The following SNTG2 variants were observed in gnomAD, a reference collection of about 807,000 sequenced individuals.
SNTG2 encodes syntrophin gamma 2.
Under a neutral mutation model 70.9 loss-of-function variants are expected in SNTG2, and 74 were observed. The ratio of observed to expected loss-of-function variants is 1.04; its 90% CI spans 0.86 to 1.27. The LOEUF is 1.27. SNTG2 is among the 50% of genes most tolerant of loss of function. The probability of loss-of-function intolerance (pLI) is 0.00; values close to 1 mark genes in which losing one functional copy is unlikely to be tolerated. For synonymous variants in SNTG2, 278 were observed against 273.8 expected (o/e 1.02, Z -0.15); for missense variants, 717 against 690.7 (o/e 1.04, Z -0.43).
intron 4 of SNTG2, among the ~76,000 whole-genome samples, chr2:1,117,490 C>T (rs1052750095): frequency 1.3e-5 from 2 of 152,094 alleles, no homozygotes; most frequent in African/African-American, 4.8e-5. Flanking sequence ...TATAACATGG[C>T]GTGCAGGGCA....
At chr2:1,252,032 G>C (rs1677803135) in intron 12 of SNTG2, among the ~76,000 whole-genome samples, 1 of 152,214 alleles carries the variant, frequency 6.6e-6, no homozygotes, top group African/African-American at 2.4e-5. Context: ...CACCAGGCTT[G>C]AGTTCAGAGA....
Position 1,128,788 on chromosome 2 carries a change from A to T in SNTG2, c.326-8834A>T, listed in dbSNP as rs543606835. Among the ~76,000 whole-genome samples the T allele has an allele frequency of 2.0e-5, 3 of 152,190 alleles. No homozygotes were observed. The South Asian group carries it at 6.2e-4, about 32-fold the overall frequency. Reference sequence around the variant, plus strand: ...ACAGACACTGGAAATCTTCTCGTCCAGGGCTGATAGCCATCAGCCAGGATG... The same window carrying T: ...ACAGACACTGGAAATCTTCTCGTCCTGGGCTGATAGCCATCAGCCAGGATG... On this transcript the variant is annotated intron_variant, in intron 4 of 16. Transcript: ENST00000308624.
chr2:1,234,183 C>T (rs1419343542), intron 9 of SNTG2, among the ~76,000 whole-genome samples: 1 of 152,250 alleles, frequency 6.6e-6, no homozygotes, highest in South Asian at 2.1e-4. Flanking sequence ...CCCAGAAATG[C>T]CCTGGAAGAA....
At chr2:1,161,394 C>T (rs56389760) in intron 6 of SNTG2, 10,787 of 143,398 alleles carry the variant, frequency 0.075, 826 homozygotes, top group African/African-American at 0.2. Flanking sequence ...GAGAGAGAGA[C>T]AGAAAAGGGG....
chr2:999,411 T>G (rs1211133957), intron 1 of SNTG2, among the ~76,000 whole-genome samples: 1 of 151,862 alleles, frequency 6.6e-6, no homozygotes, highest in Non-Finnish European at 1.5e-5. Context: ...CCCACCTGAG[T>G]GGTAAGACAT....
intron 4 of SNTG2, among the ~76,000 whole-genome samples, chr2:1,104,754 AG>A (rs1457238349): frequency 1.3e-5 from 2 of 152,164 alleles, no homozygotes; most frequent in African/African-American, 4.8e-5. Context: ...TTGAGTGAAT[AG>A]GGCTTGCTCT....
intron 1 of SNTG2, among the ~76,000 whole-genome samples, chr2:973,370 C>T (rs1046654262): frequency 3.9e-5 from 6 of 152,038 alleles, no homozygotes; most frequent in Non-Finnish European, 7.4e-5. Flanking sequence ...TTTTTTGTTT[C>T]AACTACTTTC....
At chr2:1,044,761 CT>C (rs1661631482) in intron 1 of SNTG2, among the ~76,000 whole-genome samples, 1 of 152,008 alleles carries the variant, frequency 6.6e-6, no homozygotes, top group Admixed American at 6.6e-5. Context: ...TGGTGTATTA[CT>C]TTTTTAATGT....
At chr2:1,323,478 A>G (rs4553865) in intron 16 of SNTG2, among the ~76,000 whole-genome samples, 12,391 of 103,608 alleles carry the variant, frequency 0.12, 487 homozygotes, top group East Asian at 0.27. Flanking sequence ...CCAGTAGACT[A>G]GGACAAGACT....
At chr2:1,024,719 TA>T (rs994408616) in intron 1 of SNTG2, among the ~76,000 whole-genome samples, 76 of 152,238 alleles carry the variant, frequency 5.0e-4, no homozygotes, top group African/African-American at 1.8e-3. Context: ...TTACCTGCAA[TA>T]ATGAAAAGAT....
At chr2:1,358,845 A>T (rs4927648) in intron 16 of SNTG2, among the ~76,000 whole-genome samples, 68,663 of 151,874 alleles carry the variant, frequency 0.45, 15,631 homozygotes, top group Middle Eastern at 0.49. Context: ...AATGTTCTGT[A>T]TACCTGTTCA....
intron 16 of SNTG2, among the ~76,000 whole-genome samples, chr2:1,360,760 G>A (rs112514837): frequency 1.3e-5 from 2 of 152,212 alleles, no homozygotes; most frequent in South Asian, 2.1e-4. Context: ...ATACACAGAT[G>A]AGCAAACCCT....
intron 1 of SNTG2, among the ~76,000 whole-genome samples, chr2:1,047,174 G>A (rs1234074841): frequency 1.3e-5 from 2 of 152,120 alleles, no homozygotes; most frequent in Admixed American, 6.6e-5. Context: ...TGAAATTCTT[G>A]TAGTGAGTTT....
intron 9 of SNTG2, among the ~76,000 whole-genome samples, chr2:1,231,800 T>C (rs1269014121): frequency 6.6e-6 from 1 of 151,998 alleles, no homozygotes; most frequent in Non-Finnish European, 1.5e-5. Context: ...TCCTGCTGGG[T>C]CTTCTCAAAC....
intron 9 of SNTG2, among the ~76,000 whole-genome samples, chr2:1,224,918 T>C (rs1269023166): frequency 6.6e-6 from 1 of 152,224 alleles, no homozygotes; most frequent in East Asian, 1.9e-4. Context: ...GCAGGTGCAG[T>C]TGTGTTTAAC....
chr2:1,367,563 A>G lies in SNTG2; in HGVS notation c.*89A>G. 1 of 1,453,384 alleles carries G rather than the reference A, an allele frequency of 6.9e-7. No individual in the cohort carries two copies. Among genetic ancestry groups the G allele is most frequent in the South Asian group, 1.3e-5 (1 of 74,658 alleles). 90.0% of individuals were successfully genotyped at this position (1,453,384 alleles called of 1,614,324 possible). Reference sequence around the variant, plus strand: ...GAATATTGCAACTTTGTGTTGTTTTATGATGAGCCTATAGTTGTGATACCA... The same window carrying G: ...GAATATTGCAACTTTGTGTTGTTTTGTGATGAGCCTATAGTTGTGATACCA... On this transcript the variant is annotated 3_prime_UTR_variant, in exon 17 of 17. Transcript: ENST00000308624.
At position 1,348,259 on chromosome 2, in the gene SNTG2, A is replaced by G. The variant is rs185705940; in HGVS notation, c.1489-19084A>G. ...ATTCTAAAGCCCCCCAGCCATCTGA[A>G]TGGACTTCCTCCTCAGCCAGGGATT... On this transcript the variant is annotated intron_variant, in intron 16 of 16. Transcript: ENST00000308624. Among the ~76,000 whole-genome samples the G allele has an allele frequency of 1.9e-3, 297 of 152,328 alleles. 1 individual carries two copies. Among genetic ancestry groups the G allele is most frequent in the African/African-American group, 6.9e-3 (285 of 41,570 alleles).
chr2:1,134,274 G>A (rs1043525851), intron 4 of SNTG2, among the ~76,000 whole-genome samples: 27 of 152,304 alleles, frequency 1.8e-4, no homozygotes, highest in African/African-American at 6.0e-4. Context: ...GCCACTGGTG[G>A]CGCCGGGATC....
chr2:957,881 A>C (rs887021777), intron 1 of SNTG2, among the ~76,000 whole-genome samples: 13 of 152,196 alleles, frequency 8.5e-5, no homozygotes, highest in Non-Finnish European at 1.5e-4. Flanking sequence ...GCATTGTTTT[A>C]AGCCACTAAG....
Sources: allele counts gnomAD v4.1 joint callset (sites outside exome capture counted in the v4.1 genomes callset), GRCh38; gene constraint gnomAD v4.1.1; transcripts MANE v1.5; gene names NCBI Gene and HGNC (gene_info 2026-07-23, HGNC 2026-07-21).